CPA5: variants seen among roughly 807,000 people sequenced by gnomAD.
CPA5 encodes testicular tissue protein Li 32.
Under a neutral mutation model 52.2 loss-of-function variants are expected in CPA5, and 38 were observed. The observed-to-expected ratio is 0.73, with a 90% CI of 0.56 to 0.95. CPA5 has a LOEUF of 0.95. CPA5 is among the 40% of genes least tolerant of loss of function. The probability of loss-of-function intolerance (pLI) is 0.00; values close to 1 mark genes in which losing one functional copy is unlikely to be tolerated. For missense variants in CPA5, 519 were observed against 566.7 expected (o/e 0.92, Z 0.86); for synonymous variants, 198 against 213.7 (o/e 0.93, Z 0.64).
intron 5 of CPA5, among the ~76,000 whole-genome samples, chr7:130,357,139 T>C (rs1554405398): frequency 6.6e-6 from 1 of 152,226 alleles, no homozygotes; most frequent in African/African-American, 2.4e-5. Context: ...TTGCCTCGCA[T>C]GGAGTTGGTG....
At chr7:130,363,096 G>T in intron 9 of CPA5, 102 bp downstream of exon 9, 1 of 710,654 alleles carries the variant, frequency 1.4e-6, no homozygotes. Flanking sequence ...CCTCTTTGCA[G>T]AAGCCCTCAC....
At chr7:130,351,570 G>T (rs562722742) in intron 5 of CPA5, among the ~76,000 whole-genome samples, 1 of 152,070 alleles carries the variant, frequency 6.6e-6, no homozygotes, top group African/African-American at 2.4e-5. Context: ...TCACCAACTC[G>T]CTCTTCCTGC....
At chr7:130,373,246 C>A (rs1796311107), downstream of CPA5, among the ~76,000 whole-genome samples, 1 of 151,586 alleles carries the variant, frequency 6.6e-6, no homozygotes, top group African/African-American at 2.4e-5. Context: ...GTATATAATG[C>A]TAAACAGCAG....
chr7:130,351,702 G>A (rs1554403994), intron 5 of CPA5, among the ~76,000 whole-genome samples: 1 of 152,156 alleles, frequency 6.6e-6, no homozygotes, highest in African/African-American at 2.4e-5. Context: ...CAGGAGGAGG[G>A]AAGCTGAGAT....
chr7:130,369,512 G>T (rs17164872), downstream of CPA5, among the ~76,000 whole-genome samples: 39,650 of 152,206 alleles, frequency 0.26, 6,335 homozygotes, highest in East Asian at 0.39. Context: ...CCCTCAGGAA[G>T]GCAGATAACC....
rs143514192 is a variant in CPA5, at chr7:130,349,766, T to C, written c.199-209T>C. Among the ~76,000 whole-genome samples the C allele has an allele frequency of 4.3e-3, 647 of 149,866 alleles. 2 individuals carry two copies. The highest frequency in any genetic ancestry group is 7.0e-3 in the Middle Eastern group (2 of 286). ...AACCTGTATCCCAAATCTGTTTGTATAGGAAAGAGCATAGTCTAGGGTTCA... is the reference window on the plus strand; with the variant it reads ...AACCTGTATCCCAAATCTGTTTGTACAGGAAAGAGCATAGTCTAGGGTTCA... On this transcript the variant is annotated intron_variant, in intron 4 of 12. Transcript: ENST00000474905.
At position 130,352,783 on chromosome 7, in the gene CPA5, C is replaced by T. The variant is rs576792619; in HGVS notation, c.333+2674C>T. 1.2e-3 allele frequency among the ~76,000 whole-genome samples: 187 copies of T among 151,928 alleles called. 4 individuals are homozygous for T. The South Asian group carries it at 0.038, about 31-fold the overall frequency. ...GGCCAGGCAAGAAATTATCTGATTC[C>T]GAGCGAGCTCTATTTGCATTTAATT... On this transcript the variant is annotated intron_variant, in intron 5 of 12. Coordinates refer to ENST00000474905, the MANE Select transcript of CPA5 (RefSeq NM_080385.5).
chr7:130,359,672 C>T lies in CPA5; in HGVS notation c.417C>T (p.Tyr139=), dbSNP rs1554406086. The change falls in exon 6 of 13, where the codon TAC becomes TAT. Residue 139 remains tyrosine, a synonymous_variant. Coordinates refer to ENST00000474905, the MANE Select transcript of CPA5 (RefSeq NM_080385.5). ...RSTNSFSYSS[Y]HTLEEIYSWI... is the part of the protein sequence containing the mutation. Reference sequence around the variant, plus strand: ...CCAACAGCTTCAGTTACTCATCATACCACACCCTGGAGGAGGTAGGTCTGG... The same window carrying T: ...CCAACAGCTTCAGTTACTCATCATATCACACCCTGGAGGAGGTAGGTCTGG... 2 of 1,584,270 alleles carry T rather than the reference C, an allele frequency of 1.3e-6. No individual in the cohort carries two copies. Among genetic ancestry groups the T allele is most frequent in the East Asian group, 2.3e-5 (1 of 43,904 alleles).
At chr7:130,370,957 T>A (rs118091464), downstream of CPA5, among the ~76,000 whole-genome samples, 1 of 152,204 alleles carries the variant, frequency 6.6e-6, no homozygotes, top group African/African-American at 2.4e-5. Flanking sequence ...CATTGTCCAC[T>A]GGGGCTGGAG....
chr7:130,371,849 A>G (rs1198408360), downstream of CPA5, among the ~76,000 whole-genome samples: 1 of 151,950 alleles, frequency 6.6e-6, no homozygotes, highest in Non-Finnish European at 1.5e-5. Context: ...GAGCCACTGC[A>G]CCCGGCCCCA....
rs782383054 is a variant in CPA5, at chr7:130,368,404, T to G, written c.1124-6T>G. The stretch of plus-strand genomic sequence containing the variant: ...GTGGGGCACATTTTGGAACTTTTGT[T>G]TCTAGATGTGGCCAGTGGGATCACC... On this transcript the variant is annotated splice_polypyrimidine_tract_variant and splice_region_variant and intron_variant, in intron 12 of 12. Transcript: ENST00000474905. 6.8e-6 allele frequency: 11 copies of G among 1,613,398 alleles called. No individual in the cohort carries two copies. Among genetic ancestry groups the G allele is most frequent in the Non-Finnish European group, 9.3e-6 (11 of 1,179,698 alleles).
At chr7:130,355,554 G>A (rs996697331) in intron 5 of CPA5, among the ~76,000 whole-genome samples, 10 of 152,194 alleles carry the variant, frequency 6.6e-5, no homozygotes, top group East Asian at 3.9e-4. Flanking sequence ...TTACAGGCGC[G>A]CGCCACCACG....
At chr7:130,353,178 T>C (rs2117343740) in intron 5 of CPA5, among the ~76,000 whole-genome samples, 1 of 152,084 alleles carries the variant, frequency 6.6e-6, no homozygotes, top group South Asian at 2.1e-4. Flanking sequence ...CCCATTTTTA[T>C]GCTTCCCCAT....
chr7:130,347,503 A>T (rs1554402618), intron 3 of CPA5, among the ~76,000 whole-genome samples: 1 of 151,666 alleles, frequency 6.6e-6, no homozygotes, highest in African/African-American at 2.4e-5. Flanking sequence ...AGTAGCACTG[A>T]CAGGCTTTAT....
Position 130,354,518 on chromosome 7 carries a change from C to T in CPA5, c.333+4409C>T, listed in dbSNP as rs782256727. On this transcript the variant is annotated intron_variant, in intron 5 of 12. Coordinates refer to ENST00000474905, the MANE Select transcript of CPA5 (RefSeq NM_080385.5). ...AAGCAATTCTCATGCCTCAGCCTCC[C>T]GAGTAGCTTGGATTACAGGCACACA... Among the ~76,000 whole-genome samples, 10 of 152,070 alleles carry T rather than the reference C, an allele frequency of 6.6e-5. No individual in the cohort carries two copies. In the South Asian group the frequency reaches 1.5e-3, roughly 22 times the overall value.
downstream of CPA5, among the ~76,000 whole-genome samples, chr7:130,373,175 A>C (rs1309352109): frequency 1.3e-5 from 2 of 152,192 alleles, no homozygotes; most frequent in African/African-American, 4.8e-5. Flanking sequence ...CAAGTTGTAG[A>C]GCTGCTACAG....
intron 6 of CPA5, among the ~76,000 whole-genome samples, chr7:130,360,400 G>C (rs1438644191): frequency 2.0e-5 from 3 of 152,244 alleles, no homozygotes; most frequent in Admixed American, 6.5e-5. Context: ...GAAAGTTCAT[G>C]ACCACAGTTA....
the CPA5 span, among the ~76,000 whole-genome samples, chr7:130,374,182 A>G: frequency 6.6e-6 from 1 of 152,126 alleles, no homozygotes; most frequent in Admixed American, 6.5e-5. Flanking sequence ...CTTCTGTAGC[A>G]GACTTCTCCT....
At chr7:130,363,701 T>C (rs1385387657) in intron 10 of CPA5, among the ~76,000 whole-genome samples, 192 bp downstream of exon 10, 1 of 151,948 alleles carries the variant, frequency 6.6e-6, no homozygotes, top group Non-Finnish European at 1.5e-5. Context: ...GGAGAGGTTG[T>C]GTGTGTGTGT....
Sources: gnomAD v4.1 joint callset for allele counts (sites outside exome capture counted in the v4.1 genomes callset) on GRCh38, gnomAD v4.1.1 for gene constraint, MANE v1.5 for transcripts, NCBI Gene and HGNC (gene_info 2026-07-23, HGNC 2026-07-21) for gene names.